The following GPR158 variants were observed in gnomAD, a reference collection of about 807,000 sequenced individuals.
GPR158 encodes the protein metabotropic glycine receptor.
A neutral mutation model predicts 78.2 loss-of-function variants in GPR158; 30 were observed. The ratio of observed to expected loss-of-function variants is 0.38; its 90% CI spans 0.29 to 0.52. GPR158 has a LOEUF of 0.52. Among genes scored for constraint, GPR158 ranks in the 20% least tolerant of loss-of-function variants. The pLI is 0.83. For synonymous variants in GPR158, 581 were observed against 591.1 expected (o/e 0.98, Z 0.25); for missense variants, 1,463 against 1,523.5 (o/e 0.96, Z 0.66).
chr10:25,494,021 C>A (rs76994852), intron 5 of GPR158, among the ~76,000 whole-genome samples: 304 of 152,222 alleles, frequency 2.0e-3, no homozygotes, highest in African/African-American at 7.0e-3. Flanking sequence ...CATCTGATTT[C>A]TACAGTATAT....
At chr10:25,372,504 T>C (rs1198727807) in intron 2 of GPR158, among the ~76,000 whole-genome samples, 3 of 144,768 alleles carry the variant, frequency 2.1e-5, no homozygotes, top group South Asian at 2.3e-4. Context: ...GTGGCACATA[T>C]ACACCATGGA....
intron 2 of GPR158, among the ~76,000 whole-genome samples, chr10:25,237,039 A>G (rs181701084): frequency 7.2e-5 from 11 of 152,354 alleles, no homozygotes; most frequent in Non-Finnish European, 4.4e-5. Context: ...TTACCTATCA[A>G]TTAATAATCC....
chr10:25,506,455 G>GA (rs1836015391), intron 5 of GPR158, among the ~76,000 whole-genome samples: 2 of 152,192 alleles, frequency 1.3e-5, no homozygotes, highest in Non-Finnish European at 1.5e-5. Flanking sequence ...ATAAGCATAT[G>GA]AAAATATAAG....
At chr10:25,194,017 G>T (rs1173572040) in intron 1 of GPR158, among the ~76,000 whole-genome samples, 4 of 152,180 alleles carry the variant, frequency 2.6e-5, no homozygotes, top group African/African-American at 9.7e-5. Context: ...TAAGGGAAGA[G>T]GCACATTGGG....
At chr10:25,523,024 G>A (rs77702600) in intron 5 of GPR158, among the ~76,000 whole-genome samples, 6,253 of 152,288 alleles carry the variant, frequency 0.041, 254 homozygotes, top group African/African-American at 0.11. Context: ...AGATGTCAGA[G>A]TAACTGGTTA....
intron 4 of GPR158, among the ~76,000 whole-genome samples, chr10:25,417,770 C>T (rs1834682841): frequency 6.6e-6 from 1 of 152,056 alleles, no homozygotes; most frequent in South Asian, 2.1e-4. Context: ...CTCTCAGATG[C>T]CAGAAGACAC....
intron 1 of GPR158, among the ~76,000 whole-genome samples, chr10:25,190,538 C>G (rs1423198032): frequency 2.6e-5 from 4 of 152,008 alleles, no homozygotes; most frequent in Non-Finnish European, 5.9e-5. Context: ...TTATCATGTT[C>G]CCTAGGCTGG....
chr10:25,433,188 A>C (rs1402071832), intron 4 of GPR158, among the ~76,000 whole-genome samples: 1 of 152,186 alleles, frequency 6.6e-6, no homozygotes, highest in Non-Finnish European at 1.5e-5. Flanking sequence ...CCTGTTAACT[A>C]CTGTGCTGTC....
At chr10:25,335,807 T>A (rs1855197688) in intron 2 of GPR158, among the ~76,000 whole-genome samples, 1 of 152,070 alleles carries the variant, frequency 6.6e-6, no homozygotes, top group South Asian at 2.1e-4. Context: ...ATATTAGGTG[T>A]GTTCCTAATA....
chr10:25,364,273 C>G (rs968418030), intron 2 of GPR158, among the ~76,000 whole-genome samples: 1 of 151,898 alleles, frequency 6.6e-6, no homozygotes, highest in Non-Finnish European at 1.5e-5. Flanking sequence ...AATGATTCAT[C>G]CAAATCCTTG....
chr10:25,214,273 C>T (rs192781664), intron 1 of GPR158, among the ~76,000 whole-genome samples: 179 of 152,226 alleles, frequency 1.2e-3, no homozygotes, highest in Non-Finnish European at 1.7e-3. Flanking sequence ...GGATTACAGG[C>T]GTGAGCCACC....
At chr10:25,539,950 A>G (rs1372796429) in intron 5 of GPR158, among the ~76,000 whole-genome samples, 1 of 152,164 alleles carries the variant, frequency 6.6e-6, no homozygotes, top group Non-Finnish European at 1.5e-5. Context: ...AAATATAAGA[A>G]TTTTAGTTTA....
At chr10:25,258,667 G>C (rs1853923713) in intron 2 of GPR158, among the ~76,000 whole-genome samples, 1 of 152,064 alleles carries the variant, frequency 6.6e-6, no homozygotes, top group Non-Finnish European at 1.5e-5. Context: ...GGGTCAGCAA[G>C]CTTTCTGTGA....
At chr10:25,532,130 A>G (rs1372477198) in intron 5 of GPR158, among the ~76,000 whole-genome samples, 1 of 152,218 alleles carries the variant, frequency 6.6e-6, no homozygotes, top group Non-Finnish European at 1.5e-5. Flanking sequence ...CTGTTGTACT[A>G]TATGTTTTGC....
chr10:25,267,211 T>C (rs1474190285), intron 2 of GPR158, among the ~76,000 whole-genome samples: 1 of 152,138 alleles, frequency 6.6e-6, no homozygotes, highest in Non-Finnish European at 1.5e-5. Context: ...CAAGAGTGGG[T>C]AATTTTTAAA....
intron 2 of GPR158, among the ~76,000 whole-genome samples, chr10:25,247,031 AC>A (rs1853701530): frequency 6.6e-6 from 1 of 152,196 alleles, no homozygotes; most frequent in Non-Finnish European, 1.5e-5. Flanking sequence ...TTTTTAGCCA[AC>A]TTGGAGGTTT....
chr10:25,541,729 CA>C (rs1836587582), intron 5 of GPR158, among the ~76,000 whole-genome samples: 1 of 151,790 alleles, frequency 6.6e-6, no homozygotes, highest in Admixed American at 6.6e-5. Context: ...CTACTTCAAA[CA>C]AAGCAAACCT....
At chr10:25,366,023 A>G (rs1235500477) in intron 2 of GPR158, among the ~76,000 whole-genome samples, 1 of 151,770 alleles carries the variant, frequency 6.6e-6, no homozygotes, top group Non-Finnish European at 1.5e-5. Flanking sequence ...GAGTGATTAA[A>G]AGATACATCC....
At chr10:25,446,015 A>T (rs1835134322) in intron 4 of GPR158, among the ~76,000 whole-genome samples, 1 of 152,112 alleles carries the variant, frequency 6.6e-6, no homozygotes, top group Admixed American at 6.5e-5. Flanking sequence ...GGGAGTGGTA[A>T]CTGATGTTAC....
Sources: gnomAD v4.1 joint callset for allele counts (sites outside exome capture counted in the v4.1 genomes callset) on GRCh38, gnomAD v4.1.1 for gene constraint, MANE v1.5 for transcripts, NCBI Gene and HGNC (gene_info 2026-07-23, HGNC 2026-07-21) for gene names.